The following WDR7 variants were observed in gnomAD, a reference collection of about 807,000 sequenced individuals.
WDR7 encodes WD repeat domain 7, also known as WD repeat-containing protein 7.
WDR7 carries 46 observed loss-of-function variants against 169.4 expected under a neutral mutation model. The ratio of observed to expected loss-of-function variants is 0.27; its 90% CI spans 0.21 to 0.35. The LOEUF (loss-of-function observed/expected upper bound fraction) is 0.35, where lower values mean the gene tolerates loss of function less well. Ranked by LOEUF, WDR7 falls within the 10% of genes least tolerant of loss-of-function variation. The pLI is 1.00. For synonymous variants in WDR7, 612 were observed against 666.8 expected, an observed-to-expected ratio of 0.92 and a Z score of 1.27; for missense variants, 1,534 against 1,859.3, an observed-to-expected ratio of 0.83 and a Z score of 3.22.
chr18:56,903,701 T>C (rs2145573594), intron 21 of WDR7, among the ~76,000 whole-genome samples: 1 of 152,256 alleles, frequency 6.6e-6, no homozygotes, highest in African/African-American at 2.4e-5. Flanking sequence ...ATTACAGATG[T>C]GAGCCACCAC....
At chr18:56,861,817 A>G (rs1344623185) in intron 20 of WDR7, among the ~76,000 whole-genome samples, 1 of 152,146 alleles carries the variant, frequency 6.6e-6, no homozygotes, top group Non-Finnish European at 1.5e-5. Flanking sequence ...AAATCTCATG[A>G]TTTTGAACAC....
At chr18:56,758,768 T>C (rs1441926104) in intron 15 of WDR7, 97 bp from the exon 16 acceptor site, 8 of 860,212 alleles carry the variant, frequency 9.3e-6, no homozygotes, top group Non-Finnish European at 1.3e-5. Flanking sequence ...ATGTTTCTTT[T>C]GTGATTCGTT....
Position 56,758,847 on chromosome 18 carries a change from T to G in WDR7, c.2760-18T>G. 1 of 1,585,504 alleles carries G rather than the reference T, an allele frequency of 6.3e-7. No individual in the cohort carries two copies. Among genetic ancestry groups the G allele is most frequent in the Non-Finnish European group, 8.6e-7 (1 of 1,165,798 alleles). ...ACAGTATCAAAATATATCTTGTATT[T>G]TTTTCTTCTTTTTTAAGGCCACCTA... is the stretch of plus-strand genomic sequence containing the variant. On this transcript the variant is annotated intron_variant, in intron 15 of 27. Transcript: ENST00000254442.
At chr18:56,723,469 C>T (rs2144765805) in intron 13 of WDR7, among the ~76,000 whole-genome samples, 1 of 152,108 alleles carries the variant, frequency 6.6e-6, no homozygotes, top group Non-Finnish European at 1.5e-5. Context: ...TTTTTAAAGG[C>T]TATTTTCTCT....
chr18:56,699,825 T>C (rs2025783365), intron 12 of WDR7: 1 of 985,326 alleles, frequency 1.0e-6, no homozygotes, highest in East Asian at 1.1e-4. Flanking sequence ...AACTGTCTGC[T>C]AGGTAGAACA....
At chr18:56,868,022 G>A (rs1030467425) in intron 20 of WDR7, among the ~76,000 whole-genome samples, 6 of 151,998 alleles carry the variant, frequency 3.9e-5, no homozygotes, top group Non-Finnish European at 5.9e-5. Context: ...AAAAAAATTT[G>A]CCAAATAACA....
At chr18:56,829,758 A>T (rs1280043344) in intron 20 of WDR7, among the ~76,000 whole-genome samples, 1 of 152,208 alleles carries the variant, frequency 6.6e-6, no homozygotes, top group Non-Finnish European at 1.5e-5. Flanking sequence ...AAGAACTGTG[A>T]TATAAATTGG....
At chr18:56,749,105 A>G (rs1302698175) in intron 14 of WDR7, among the ~76,000 whole-genome samples, 1 of 152,242 alleles carries the variant, frequency 6.6e-6, no homozygotes, top group East Asian at 1.9e-4. Context: ...ACCGTTTTAC[A>G]TTTAACATGC....
chr18:57,030,355 T>C (rs922704818), downstream of WDR7: 5 of 152,240 alleles, frequency 3.3e-5, no homozygotes, highest in African/African-American at 1.2e-4. Flanking sequence ...AACAGTATAA[T>C]TTTCTGTAAG....
Position 56,879,944 on chromosome 18 carries a change from G to T in WDR7, c.3305G>T (p.Gly1102Val). Residue 1102 changes from glycine (G) to valine (V), a missense_variant and splice_region_variant, in exon 21 of 28, where the codon GGT becomes GTT. Physicochemically the swap from Gly to Val is moderately radical, Grantham distance 109. Transcript: ENST00000254442. Reference protein sequence around the residue: ...HDLVDDDITTGCLSSVPQMKK... With the variant: ...HDLVDDDITTVCLSSVPQMKK... ...TGAGATTCTATGTTTTGGTCTTCAG[G>T]TTGCTTATCAAGTGTCCCACAAATG... 6.2e-7 allele frequency: 1 copy of T among 1,611,496 alleles called. No homozygotes were observed. The highest frequency in any genetic ancestry group is 1.3e-5 in the African/African-American group (1 of 74,824).
At chr18:56,859,978 A>G (rs2045780016) in intron 20 of WDR7, among the ~76,000 whole-genome samples, 1 of 152,204 alleles carries the variant, frequency 6.6e-6, no homozygotes, top group Non-Finnish European at 1.5e-5. Flanking sequence ...AATGATTCTA[A>G]GATATTTTGA....
chr18:56,769,505 C>T (rs1323281346), intron 16 of WDR7, among the ~76,000 whole-genome samples: 2 of 152,002 alleles, frequency 1.3e-5, no homozygotes, highest in Non-Finnish European at 2.9e-5. Context: ...GACTGTTCTA[C>T]GTTCTAATGT....
chr18:56,886,293 T>G (rs2046192695), intron 21 of WDR7, among the ~76,000 whole-genome samples: 1 of 152,150 alleles, frequency 6.6e-6, no homozygotes, highest in South Asian at 2.1e-4. Context: ...GCAGAAGCCC[T>G]AAAAACCAGA....
chr18:56,756,768 C>T lies in WDR7; in HGVS notation c.2175C>T (p.Gly725=), dbSNP rs1384412052. 1.2e-6 allele frequency: 2 copies of T among 1,614,134 alleles called. No homozygotes were observed. Among genetic ancestry groups the T allele is most frequent in the South Asian group, 2.2e-5 (2 of 91,080 alleles). The part of the protein sequence containing the change: ...ISPENLQKAS[G]SSDKGGSFLT... Reference sequence around the variant, plus strand: ...CAGAGAATTTGCAAAAAGCATCTGGCAGTTCAGACAAAGGGGGCTCTTTTT... The same window carrying T: ...CAGAGAATTTGCAAAAAGCATCTGGTAGTTCAGACAAAGGGGGCTCTTTTT... The change falls in exon 15 of 28, where the codon GGC becomes GGT. Residue 725 remains glycine, a synonymous_variant. Transcript: ENST00000254442.
chr18:56,742,490 A>G (rs1260671513), intron 14 of WDR7, among the ~76,000 whole-genome samples: 2 of 152,206 alleles, frequency 1.3e-5, no homozygotes, highest in East Asian at 3.8e-4. Context: ...GAAGTTTTCA[A>G]ACTTCTTGAC....
At chr18:56,925,573 T>G (rs1164005478) in intron 22 of WDR7, among the ~76,000 whole-genome samples, 1 of 152,194 alleles carries the variant, frequency 6.6e-6, no homozygotes, top group Non-Finnish European at 1.5e-5. Flanking sequence ...TTGCTAACTT[T>G]TTTTAAGAGT....
At chr18:56,955,691 GA>G (rs1245208540) in intron 25 of WDR7, among the ~76,000 whole-genome samples, 1 of 149,014 alleles carries the variant, frequency 6.7e-6, no homozygotes, top group African/African-American at 2.5e-5. Context: ...TGATGATGAT[GA>G]TAGCTGATAC....
intron 26 of WDR7, among the ~76,000 whole-genome samples, chr18:56,995,523 TCA>T (rs1358038272): frequency 6.6e-6 from 1 of 152,184 alleles, no homozygotes; most frequent in Non-Finnish European, 1.5e-5. Context: ...TTATTTGACA[TCA>T]CAGTTTTTTT....
At chr18:56,755,790 T>C (rs1369481553) in intron 14 of WDR7, among the ~76,000 whole-genome samples, 1 of 152,144 alleles carries the variant, frequency 6.6e-6, no homozygotes, top group Non-Finnish European at 1.5e-5. Flanking sequence ...GGTAGAAGAC[T>C]TACCAGGAGG....
Sources: allele counts gnomAD v4.1 joint callset (sites outside exome capture counted in the v4.1 genomes callset), GRCh38; gene constraint gnomAD v4.1.1; transcripts MANE v1.5; gene names NCBI Gene and HGNC (gene_info 2026-07-23, HGNC 2026-07-21).